The following POU6F2 variants were observed in gnomAD, a reference collection of about 807,000 sequenced individuals.
POU6F2 encodes POU domain, class 6, transcription factor 2.
A neutral mutation model predicts 71.3 loss-of-function variants in POU6F2; 31 were observed. That is an observed-to-expected ratio of 0.43 (90% CI 0.33 to 0.59). The LOEUF is 0.59. POU6F2 is among the 20% of genes least tolerant of loss of function. The pLI is 0.04. For missense variants in POU6F2, 783 were observed against 856.8 expected, an observed-to-expected ratio of 0.91 and a Z score of 1.07; for synonymous variants, 347 against 355.7, an observed-to-expected ratio of 0.98 and a Z score of 0.27.
At chr7:39,060,425 A>C (rs1215696221) in intron 1 of POU6F2, among the ~76,000 whole-genome samples, 1 of 152,184 alleles carries the variant, frequency 6.6e-6, no homozygotes, top group Non-Finnish European at 1.5e-5. Context: ...ACTAAAAACA[A>C]CTGAATTATA....
chr7:39,367,209 G>A (rs986430986), intron 5 of POU6F2, among the ~76,000 whole-genome samples: 6 of 151,918 alleles, frequency 3.9e-5, no homozygotes, highest in Non-Finnish European at 8.8e-5. Context: ...TCCTTTCCTC[G>A]TCTCAGTCAA....
intron 4 of POU6F2, among the ~76,000 whole-genome samples, chr7:39,260,598 A>G (rs1052936926): frequency 2.6e-5 from 4 of 151,378 alleles, no homozygotes; most frequent in Admixed American, 6.6e-5. Context: ...CACATACCAC[A>G]CACACACCAT....
rs1166811956 is a variant in POU6F2 at position 39,412,778 on chromosome 7, CTTTTTTTTTTTTTTTTTTTTTTTTTTTTT to C, written c.1113+6051_1113+6079del. ...TCCGTATTAGCTTCAGTTTTCTTGC[CTTTTTTTTTTTTTTTTTTTTTTTTTTTTT>C]TTTTTTTTTTTTGAGACGGAGTCTT... On this transcript the variant is annotated intron_variant, in intron 6 of 9. Transcript: ENST00000518318. Among the ~76,000 whole-genome samples the C allele has an allele frequency of 6.5e-4, 15 of 23,192 alleles. No individual in the cohort carries two copies. The East Asian group carries it at 0.017, about 27-fold the overall frequency. The allele number at this position is 23,192 out of a possible 152,430, so 15.2% of individuals were successfully genotyped here.
intron 4 of POU6F2, among the ~76,000 whole-genome samples, chr7:39,315,532 TG>T (rs1785247465): frequency 6.6e-6 from 1 of 152,230 alleles, no homozygotes; most frequent in Admixed American, 6.5e-5. Context: ...CACTGGTTTA[TG>T]GTCAGTTCCC....
chr7:39,053,085 C>G (rs1436246120), intron 1 of POU6F2, among the ~76,000 whole-genome samples: 1 of 152,054 alleles, frequency 6.6e-6, no homozygotes, highest in Non-Finnish European at 1.5e-5. Flanking sequence ...AGAATACATT[C>G]CATTTTTTCA....
At position 39,348,105 on chromosome 7, in the gene POU6F2, A is replaced by G. The variant is rs555125214; in HGVS notation, c.972+8090A>G. ...AGTTGTTACATCTAAAACTTTCAAT[A>G]TATGAACTATACATAATAAACTCTT... On this transcript the variant is annotated intron_variant, in intron 5 of 9. Transcript: ENST00000518318. 2.8e-5 allele frequency among the ~76,000 whole-genome samples: 4 copies of G among 144,558 alleles called. 1 individual carries two copies. The highest frequency in any genetic ancestry group is 6.2e-5 in the Non-Finnish European group (4 of 64,518). 94.8% of individuals were successfully genotyped at this position (144,558 alleles called of 152,430 possible). A position where few individuals can be genotyped will look rare whatever the true frequency, so the allele number is the denominator to read the frequency against.
intron 2 of POU6F2, among the ~76,000 whole-genome samples, chr7:39,189,136 C>G (rs1793605297): frequency 1.3e-5 from 2 of 152,128 alleles, no homozygotes; most frequent in African/African-American, 4.8e-5. Context: ...TTGATATTGT[C>G]CCACTGAGCA....
chr7:39,070,542 C>G (rs1233404191), intron 1 of POU6F2, among the ~76,000 whole-genome samples: 1 of 151,890 alleles, frequency 6.6e-6, no homozygotes, highest in Non-Finnish European at 1.5e-5. Context: ...AAATGGCCTA[C>G]TAGATCTGGC....
At chr7:39,079,237 G>A (rs1451709916) in intron 1 of POU6F2, among the ~76,000 whole-genome samples, 1 of 130,392 alleles carries the variant, frequency 7.7e-6, no homozygotes, top group East Asian at 2.1e-4. Context: ...CACCCAGGCT[G>A]GAGTGCAGTG....
At chr7:39,140,302 G>C (rs958356229) in intron 2 of POU6F2, among the ~76,000 whole-genome samples, 1 of 152,208 alleles carries the variant, frequency 6.6e-6, no homozygotes, top group Non-Finnish European at 1.5e-5. Flanking sequence ...ATATGCTAAG[G>C]GGTGGAGGCT....
chr7:39,204,676 A>G (rs556707359), intron 3 of POU6F2, among the ~76,000 whole-genome samples: 2 of 152,276 alleles, frequency 1.3e-5, no homozygotes, highest in Admixed American at 1.3e-4. Flanking sequence ...AAGTTATTTC[A>G]ACCTTACTAT....
intron 6 of POU6F2, among the ~76,000 whole-genome samples, chr7:39,416,811 AT>A (rs959873626): frequency 3.1e-4 from 47 of 151,772 alleles, no homozygotes; most frequent in African/African-American, 1.0e-3. Flanking sequence ...AATGTTAAAA[AT>A]GTAAAAAAAA....
In POU6F2 at chr7:39,451,659, TC is replaced by T; in HGVS notation, c.1449del (p.Ser484ProfsTer6). 1 of 1,610,584 alleles carries T rather than the reference TC, an allele frequency of 6.2e-7. No individual in the cohort carries two copies. The highest frequency in any genetic ancestry group is 8.5e-7 in the Non-Finnish European group (1 of 1,178,420). Reference protein sequence around the residue: ...VRQASSSSSSSSSSSALSVGQ... With the variant: ...VRQASSSSSSXSSSSALSVGQ... ...GCAGGCTTCCTCTTCTTCCTCCTCA[TC>T]CTCCTCTTCTTCAGCTTTGAGCGTG... On this transcript the variant is annotated frameshift_variant, in exon 8 of 10. Coordinates refer to ENST00000518318, the MANE Select transcript of POU6F2 (RefSeq NM_001370959.1). LOFTEE classifies it high-confidence loss of function.
intron 5 of POU6F2, among the ~76,000 whole-genome samples, chr7:39,392,066 G>T (rs180727428): frequency 1.2e-4 from 18 of 152,264 alleles, no homozygotes; most frequent in African/African-American, 4.3e-4. Flanking sequence ...TTAGCCATAT[G>T]TTCCTACTTG....
At chr7:39,008,758 A>G (rs1170728392) in intron 1 of POU6F2, among the ~76,000 whole-genome samples, 14 of 151,298 alleles carry the variant, frequency 9.3e-5, no homozygotes, top group Admixed American at 8.6e-4. Flanking sequence ...CAGTTTTCCC[A>G]GCACCATTTA....
chr7:39,377,399 G>A (rs755840501), intron 5 of POU6F2, among the ~76,000 whole-genome samples: 5 of 152,056 alleles, frequency 3.3e-5, no homozygotes, highest in Admixed American at 6.6e-5. Flanking sequence ...CCAAAGTGCC[G>A]GGATTACAGG....
At position 39,046,774 on chromosome 7, in the gene POU6F2, T is replaced by G. The variant is rs139114729; in HGVS notation, c.106-39086T>G. On this transcript the variant is annotated intron_variant, in intron 1 of 9. Coordinates refer to ENST00000518318, the MANE Select transcript of POU6F2 (RefSeq NM_001370959.1). ...TCTCGAGACATTATCAAATGTCCCT[T>G]GGCAAGCAAATTCATCCTGATTGAG... 3.0e-3 allele frequency among the ~76,000 whole-genome samples: 459 copies of G among 152,050 alleles called. 2 individuals are homozygous for G. The highest frequency in any genetic ancestry group is 0.015 in the South Asian group (71 of 4,822).
At chr7:39,358,989 C>T (rs555812179) in intron 5 of POU6F2, among the ~76,000 whole-genome samples, 11 of 151,830 alleles carry the variant, frequency 7.2e-5, no homozygotes, top group African/African-American at 2.7e-4. Context: ...ATGTTAAACA[C>T]AGGCCAAAAC....
chr7:39,439,095 C>G (rs1788323587), intron 7 of POU6F2, among the ~76,000 whole-genome samples: 1 of 152,026 alleles, frequency 6.6e-6, no homozygotes, highest in Non-Finnish European at 1.5e-5. Context: ...GAATTTTTCC[C>G]TTTACCATTA....
Sources: allele counts gnomAD v4.1 joint callset (sites outside exome capture counted in the v4.1 genomes callset), GRCh38; gene constraint gnomAD v4.1.1; transcripts MANE v1.5; gene names NCBI Gene and HGNC (gene_info 2026-07-23, HGNC 2026-07-21).